Variants in EYS observed in about 807,000 individuals in gnomAD.
EYS encodes EGF-like photoreceptor maintenance factor.
Under a neutral mutation model 282.1 loss-of-function variants are expected in EYS, and 250 were observed. That is an observed-to-expected ratio of 0.89 (90% CI 0.80 to 0.98). The LOEUF is 0.98. EYS is among the 50% of genes least tolerant of loss of function. The pLI is 0.00. For synonymous variants in EYS, 1,355 were observed against 1,282.9 expected (o/e 1.06, Z -1.20); for missense variants, 4,016 against 3,709.0 (o/e 1.08, Z -2.15).
chr6:65,589,359 C>T (rs1056266765), intron 2 of EYS, among the ~76,000 whole-genome samples: 2 of 152,110 alleles, frequency 1.3e-5, no homozygotes, highest in Non-Finnish European at 2.9e-5. Flanking sequence ...CAGCCTGTTT[C>T]GTCAGTCTGC....
At chr6:64,404,141 G>T (rs1408805093) in intron 28 of EYS, among the ~76,000 whole-genome samples, 9 of 151,890 alleles carry the variant, frequency 5.9e-5, no homozygotes, top group Non-Finnish European at 1.3e-4. Context: ...TATTATAGTT[G>T]GGCATTTTTA....
At chr6:64,779,963 C>G (rs565431932) in intron 22 of EYS, among the ~76,000 whole-genome samples, 2 of 152,198 alleles carry the variant, frequency 1.3e-5, no homozygotes, top group South Asian at 4.1e-4. Context: ...ATGATGCTCT[C>G]TAGATTTATG....
chr6:64,560,540 T>C lies in EYS; in HGVS notation c.5644+29683A>G, dbSNP rs138123416. Among the ~76,000 whole-genome samples, 51 of 152,176 alleles carry C rather than the reference T, an allele frequency of 3.4e-4. No individual in the cohort carries two copies. The East Asian group carries it at 8.3e-3, about 25-fold the overall frequency. On this transcript the variant is annotated intron_variant, in intron 26 of 42. Coordinates refer to ENST00000503581, the MANE Select transcript of EYS (RefSeq NM_001142800.2). Reference sequence around the variant, plus strand: ...TCAATTTCCCATGGAAACAGCAAGGTTCATAAAATATAGAAAACCATCTCA... The same window carrying C: ...TCAATTTCCCATGGAAACAGCAAGGCTCATAAAATATAGAAAACCATCTCA...
intron 22 of EYS, among the ~76,000 whole-genome samples, chr6:64,768,764 A>G (rs1312309817): frequency 6.6e-6 from 1 of 152,140 alleles, no homozygotes; most frequent in Non-Finnish European, 1.5e-5. Flanking sequence ...GAACCACCTC[A>G]ATGAGCAAAG....
intron 35 of EYS, among the ~76,000 whole-genome samples, chr6:63,882,599 G>A (rs1433711715): frequency 6.6e-6 from 1 of 152,168 alleles, no homozygotes; most frequent in Non-Finnish European, 1.5e-5. Context: ...CATTGAGTTT[G>A]CAATCTAGAT....
At position 65,419,279 on chromosome 6, in the gene EYS, A is replaced by C. The variant is rs996622126; in HGVS notation, c.863-13912T>G. Among the ~76,000 whole-genome samples, 6 of 151,972 alleles carry C rather than the reference A, an allele frequency of 3.9e-5. No homozygotes were observed. The South Asian group carries it at 1.0e-3, about 26-fold the overall frequency. ...GAGAACATATCTACACCTCATTAAG[A>C]ATATTAAAATAGAAATTTTATAATT... On this transcript the variant is annotated intron_variant, in intron 5 of 42. Coordinates refer to ENST00000503581, the MANE Select transcript of EYS (RefSeq NM_001142800.2).
Position 63,721,104 on chromosome 6 carries a change from T to G in EYS, c.8927A>C (p.Asn2976Thr). The change falls in exon 43 of 43, where the codon AAC becomes ACC. Residue 2976 changes from asparagine (N) to threonine (T), a missense_variant. Physicochemically the swap from Asn to Thr is moderately conservative, Grantham distance 65 (BLOSUM62 0). Transcript: ENST00000503581. ...TAAGGATATAGTAGTGAACTGGAGG[T>G]TTCTCATTCTATAATTTGGATCAAT... ...KYIDPNYRMR[N>T]LQFTTISLNF... 1 of 1,551,396 alleles carries G rather than the reference T, an allele frequency of 6.4e-7. No individual in the cohort carries two copies. The highest frequency in any genetic ancestry group is 8.7e-7 in the Non-Finnish European group (1 of 1,146,782).
At chr6:64,072,185 A>G (rs758340502) in intron 32 of EYS, among the ~76,000 whole-genome samples, 1 of 152,040 alleles carries the variant, frequency 6.6e-6, no homozygotes, top group Non-Finnish European at 1.5e-5. Context: ...ATAATTTAGA[A>G]TAACAAAAGG....
chr6:64,779,334 C>CA (rs1455618479), intron 22 of EYS, among the ~76,000 whole-genome samples: 1 of 151,902 alleles, frequency 6.6e-6, no homozygotes, highest in Non-Finnish European at 1.5e-5. Context: ...TACCTAACCA[C>CA]AAAAATGACA....
chr6:64,325,492 T>C (rs895695523), intron 29 of EYS, among the ~76,000 whole-genome samples: 1 of 152,140 alleles, frequency 6.6e-6, no homozygotes, highest in Non-Finnish European at 1.5e-5. Context: ...TCTGGTAATA[T>C]GATAAAACAA....
At chr6:65,341,376 T>C (rs1386967399) in intron 10 of EYS, among the ~76,000 whole-genome samples, 1 of 151,222 alleles carries the variant, frequency 6.6e-6, no homozygotes, top group East Asian at 1.9e-4. Context: ...CCTCCCCTCA[T>C]ATTGTAAGCC....
At chr6:64,158,061 T>C (rs773481812) in intron 31 of EYS, among the ~76,000 whole-genome samples, 1 of 152,206 alleles carries the variant, frequency 6.6e-6, no homozygotes, top group Non-Finnish European at 1.5e-5. Context: ...GGGGTGGAGC[T>C]GCCCAAGACC....
intron 2 of EYS, among the ~76,000 whole-genome samples, chr6:65,633,316 T>C (rs1766983220): frequency 1.3e-5 from 2 of 152,198 alleles, no homozygotes; most frequent in Non-Finnish European, 1.5e-5. Context: ...CATTTTGTAA[T>C]TATATGAAAA....
intron 12 of EYS, among the ~76,000 whole-genome samples, chr6:65,252,606 A>G (rs1050596550): frequency 6.6e-5 from 10 of 152,004 alleles, no homozygotes; most frequent in African/African-American, 2.4e-4. Context: ...AAAAATATCA[A>G]CTGATATGGG....
intron 2 of EYS, among the ~76,000 whole-genome samples, chr6:65,622,133 G>A (rs1030811543): frequency 6.6e-5 from 10 of 152,162 alleles, no homozygotes; most frequent in South Asian, 2.1e-4. Context: ...AGACAGAATC[G>A]TTTGTCCTTC....
intron 29 of EYS, among the ~76,000 whole-genome samples, chr6:64,323,537 T>C (rs1770296358): frequency 6.6e-6 from 1 of 152,254 alleles, no homozygotes; most frequent in South Asian, 2.1e-4. Flanking sequence ...TTATGAGTCA[T>C]CCAATAAATT....
At chr6:63,763,402 A>AC in intron 40 of EYS, among the ~76,000 whole-genome samples, 1 of 152,186 alleles carries the variant, frequency 6.6e-6, no homozygotes, top group South Asian at 2.1e-4. Flanking sequence ...CATAAGTTAA[A>AC]TAATAACTTT....
chr6:63,766,000 G>C (rs1769779458), intron 40 of EYS, among the ~76,000 whole-genome samples: 1 of 152,048 alleles, frequency 6.6e-6, no homozygotes, highest in South Asian at 2.1e-4. Flanking sequence ...ATATTGATCT[G>C]TTATGTGTAG....
chr6:64,593,112 C>A lies in EYS; in HGVS notation c.3877+5G>T. The stretch of plus-strand genomic sequence containing the variant: ...CTTCTTAATATCTTACCCACTTCTA[C>A]TTACCTTGATCAACTGGGTAAGTGT... On this transcript the variant is annotated splice_donor_5th_base_variant and intron_variant, in intron 25 of 42. Coordinates refer to ENST00000503581, the MANE Select transcript of EYS (RefSeq NM_001142800.2). The A allele has an allele frequency of 1.3e-6, 2 of 1,510,802 alleles. No homozygotes were observed. The highest frequency in any genetic ancestry group is 1.8e-6 in the Non-Finnish European group (2 of 1,132,370). The allele number at this position is 1,510,802 out of a possible 1,614,324, so 93.6% of individuals were successfully genotyped here. A position where few individuals can be genotyped will look rare whatever the true frequency, so the allele number is the denominator to read the frequency against.
Sources: gnomAD v4.1 joint callset for allele counts (sites outside exome capture counted in the v4.1 genomes callset) on GRCh38, gnomAD v4.1.1 for gene constraint, MANE v1.5 for transcripts, NCBI Gene and HGNC (gene_info 2026-07-23, HGNC 2026-07-21) for gene names.